The following MACROH2A2 variants were observed in gnomAD, a reference collection of about 807,000 sequenced individuals.
MACROH2A2 encodes the protein core histone macro-H2A.2.
A neutral mutation model predicts 37.6 loss-of-function variants in MACROH2A2; 6 were observed. That is an observed-to-expected ratio of 0.16 (90% confidence interval 0.09 to 0.32). MACROH2A2 has a LOEUF of 0.32. Among genes scored for constraint, MACROH2A2 ranks in the 10% least tolerant of loss-of-function variants. The pLI is 1.00. For synonymous variants in MACROH2A2, 192 were observed against 202.7 expected (o/e 0.95, Z 0.45); for missense variants, 290 against 485.9 (o/e 0.60, Z 3.79).
At chr10:70,059,784 C>T (rs2072040562) in intron 1 of MACROH2A2, among the ~76,000 whole-genome samples, 1 of 152,320 alleles carries the variant, frequency 6.6e-6, no homozygotes, top group African/African-American at 2.4e-5. Flanking sequence ...GTCCACCGCA[C>T]CTTCCATTCT....
At chr10:70,066,253 A>G (rs1396575907) in intron 1 of MACROH2A2, among the ~76,000 whole-genome samples, 1 of 152,172 alleles carries the variant, frequency 6.6e-6, no homozygotes, top group Non-Finnish European at 1.5e-5. Flanking sequence ...GCTTGAGCCC[A>G]GGAGGTCAAA....
chr10:70,087,881 TG>T (rs1430841396), intron 2 of MACROH2A2, among the ~76,000 whole-genome samples: 1 of 152,254 alleles, frequency 6.6e-6, no homozygotes, highest in African/African-American at 2.4e-5. Flanking sequence ...AATATTTAAC[TG>T]TAATGTTTAT....
In MACROH2A2 at chr10:70,107,957, G is replaced by A. The variant is rs148279001; in HGVS notation, c.779-1076G>A. On this transcript the variant is annotated intron_variant, in intron 7 of 8. Coordinates refer to ENST00000373255, the MANE Select transcript of MACROH2A2 (RefSeq NM_018649.3). The surrounding 1 kb of genome is among the most constrained non-coding windows in gnomAD (Gnocchi z 4.4). ...CAGTAGGCCAGGTGTGATGGCTCAC[G>A]CCTGTAATCCCAGCACTTTGGGTGC... 9.3e-4 allele frequency among the ~76,000 whole-genome samples: 141 copies of A among 152,268 alleles called. No homozygotes were observed. Among genetic ancestry groups the A allele is most frequent in the African/African-American group, 3.1e-3 (127 of 41,544 alleles).
At chr10:70,058,646 A>G (rs560602486) in intron 1 of MACROH2A2, among the ~76,000 whole-genome samples, 141 of 152,180 alleles carry the variant, frequency 9.3e-4, no homozygotes, top group Middle Eastern at 3.4e-3. Context: ...TTATATATAT[A>G]TATATATACA....
intron 7 of MACROH2A2, among the ~76,000 whole-genome samples, chr10:70,104,804 G>A (rs2072327071): frequency 6.6e-6 from 1 of 152,178 alleles, no homozygotes; most frequent in South Asian, 2.1e-4. Context: ...GTGTCCCCAG[G>A]TGACATAGAA....
At chr10:70,067,071 C>G (rs1014728149) in intron 1 of MACROH2A2, among the ~76,000 whole-genome samples, 1 of 152,108 alleles carries the variant, frequency 6.6e-6, no homozygotes, top group Non-Finnish European at 1.5e-5. Flanking sequence ...GCCAGAAGCT[C>G]AATGTTAATG....
intron 1 of MACROH2A2, among the ~76,000 whole-genome samples, chr10:70,073,816 A>G (rs568547958): frequency 6.6e-6 from 1 of 152,124 alleles, no homozygotes; most frequent in Non-Finnish European, 1.5e-5. Flanking sequence ...CATTCATTTA[A>G]TATCTTCTTC....
At chr10:70,102,976 C>T (rs1210630344) in intron 7 of MACROH2A2, among the ~76,000 whole-genome samples, 1 of 139,982 alleles carries the variant, frequency 7.1e-6, no homozygotes, top group African/African-American at 3.0e-5. Flanking sequence ...GATGCAGAGT[C>T]GCTTCACTTT....
intron 2 of MACROH2A2, among the ~76,000 whole-genome samples, chr10:70,079,565 G>GCTCACA (rs1386558755): frequency 1.6e-5 from 2 of 126,216 alleles, no homozygotes; most frequent in Non-Finnish European, 3.3e-5. Context: ...GCGCGCGCGC[G>GCTCACA]CACACACACA....
In MACROH2A2 at chr10:70,090,116, G is replaced by T; in HGVS notation, c.229G>T (p.Ala77Ser). 7.4e-6 allele frequency: 12 copies of T among 1,614,038 alleles called. No individual in the cohort carries two copies. Among genetic ancestry groups the T allele is most frequent in the Non-Finnish European group, 1.0e-5 (12 of 1,179,878 alleles). Residue 77 changes from alanine (A) to serine (S), a missense_variant, in exon 3 of 9, where the codon GCC becomes TCC. This residue lies in a region of MACROH2A2 where 83 missense variants were observed against 159.9 expected (regional missense o/e 0.52). Transcript: ENST00000373255. ...GAGGGACAACAAGAAGGCCCGGATAGCCCCGAGACACATCTTGCTGGCAGT... is the reference window on the plus strand; with the variant it reads ...GAGGGACAACAAGAAGGCCCGGATATCCCCGAGACACATCTTGCTGGCAGT... ...AARDNKKARIAPRHILLAVAN... is the reference protein window; with the variant it reads ...AARDNKKARISPRHILLAVAN...
intron 7 of MACROH2A2, among the ~76,000 whole-genome samples, chr10:70,102,690 C>T (rs1256222617): frequency 6.6e-6 from 1 of 151,664 alleles, no homozygotes; most frequent in African/African-American, 2.4e-5. Flanking sequence ...GCACTCCAGC[C>T]TGGGCAACAG....
In MACROH2A2 at chr10:70,053,272, C is replaced by T. The variant is rs1474622113; in HGVS notation, c.-60+272C>T. 6.6e-6 allele frequency among the ~76,000 whole-genome samples: 1 copy of T among 151,924 alleles called. No homozygotes were observed. The highest frequency in any genetic ancestry group is 6.6e-5 in the Admixed American group (1 of 15,254). On this transcript the variant is annotated intron_variant, in intron 1 of 8. Transcript: ENST00000373255. This position sits in a 1 kb window ranked among gnomAD's most constrained non-coding sequence, Gnocchi z 4.8. ...CGAGGGGCCGGGGGCGTCGAGGGTA[C>T]TGAGAGGGGAAGGAGGAGGGATGCG...
At chr10:70,095,808 A>C in intron 6 of MACROH2A2, 55 bp downstream of exon 6, 1 of 832,952 alleles carries the variant, frequency 1.2e-6, no homozygotes, top group Non-Finnish European at 2.1e-6. Context: ...TGTTCAGGCA[A>C]GTTCTTGTGA....
intron 2 of MACROH2A2, among the ~76,000 whole-genome samples, chr10:70,088,197 ACT>A (rs1208367503): frequency 6.7e-6 from 1 of 149,406 alleles, no homozygotes; most frequent in East Asian, 2.0e-4. Flanking sequence ...CCGCCTGCAC[ACT>A]CACACACACA....
intron 2 of MACROH2A2, among the ~76,000 whole-genome samples, chr10:70,088,291 A>G (rs1244265398): frequency 6.6e-6 from 1 of 151,806 alleles, no homozygotes; most frequent in South Asian, 2.1e-4. Context: ...ACACGCACAC[A>G]TGCACACTTT....
intron 1 of MACROH2A2, among the ~76,000 whole-genome samples, chr10:70,073,221 G>A (rs1387634616): frequency 6.6e-6 from 1 of 152,208 alleles, no homozygotes; most frequent in Non-Finnish European, 1.5e-5. Flanking sequence ...AATGCTGTCT[G>A]TTTCCCCTCT....
chr10:70,083,081 C>G (rs1470280302), intron 2 of MACROH2A2, among the ~76,000 whole-genome samples: 1 of 151,966 alleles, frequency 6.6e-6, no homozygotes. Context: ...GTATAGCCCC[C>G]CTGCAGGAGG....
chr10:70,082,139 G>A (rs1589835295), intron 2 of MACROH2A2, among the ~76,000 whole-genome samples: 1 of 152,338 alleles, frequency 6.6e-6, no homozygotes, highest in East Asian at 1.9e-4. Context: ...CAGGGACTCG[G>A]CCGGGCGCAG....
rs537127034 is a variant in MACROH2A2 at position 70,054,934 on chromosome 10, GT to G, written c.-60+1935del. ...TACACCTCACCTGGATCCATTAATT[GT>G]CAGACTTTACACATTATTAGTGGTT... On this transcript the variant is annotated intron_variant, in intron 1 of 8. Coordinates refer to ENST00000373255, the MANE Select transcript of MACROH2A2 (RefSeq NM_018649.3). 5.5e-3 allele frequency among the ~76,000 whole-genome samples: 842 copies of G among 152,176 alleles called. 7 individuals are homozygous for G. Among genetic ancestry groups the G allele is most frequent in the African/African-American group, 0.019 (802 of 41,518 alleles).
Sources: allele counts gnomAD v4.1 joint callset (sites outside exome capture counted in the v4.1 genomes callset), GRCh38; gene constraint gnomAD v4.1.1; regional missense constraint gnomAD v4.1.1; non-coding constraint Gnocchi (gnomAD v3.1); transcripts MANE v1.5; gene names NCBI Gene and HGNC (gene_info 2026-07-23, HGNC 2026-07-21).